ANKRD11: variants seen among roughly 807,000 people sequenced by gnomAD.
ANKRD11 encodes the protein ankyrin repeat domain-containing protein 11.
ANKRD11 carries 17 observed loss-of-function variants against 195.7 expected under a neutral mutation model. The ratio of observed to expected loss-of-function variants is 0.09; its 90% CI spans 0.06 to 0.13. ANKRD11 has a LOEUF of 0.13. Among genes scored for constraint, ANKRD11 ranks in the 10% least tolerant of loss-of-function variants. The pLI is 1.00. For synonymous variants in ANKRD11, 1,953 were observed against 1,528.1 expected, an observed-to-expected ratio of 1.28 and a Z score of -6.49; for missense variants, 3,735 against 3,566.1, an observed-to-expected ratio of 1.05 and a Z score of -1.21.
intron 1 of ANKRD11, among the ~76,000 whole-genome samples, chr16:89,432,711 C>G (rs975560744): frequency 5.9e-5 from 9 of 152,118 alleles, no homozygotes; most frequent in African/African-American, 1.7e-4. Context: ...CATTCATATT[C>G]TATCACGGTA....
At chr16:89,380,975 A>G (rs2040618472) in intron 2 of ANKRD11, among the ~76,000 whole-genome samples, 1 of 152,134 alleles carries the variant, frequency 6.6e-6, no homozygotes, top group South Asian at 2.1e-4. Flanking sequence ...GCAAGGTTCT[A>G]AGGGGCTCCG....
intron 1 of ANKRD11, among the ~76,000 whole-genome samples, chr16:89,447,991 G>C (rs191802605): frequency 1.8e-4 from 28 of 151,966 alleles, no homozygotes; most frequent in Middle Eastern, 6.8e-3. Context: ...TTTTAGTAGA[G>C]ACAGGGTTTC....
At chr16:89,481,768 G>C (rs186735801) in intron 1 of ANKRD11, among the ~76,000 whole-genome samples, 2 of 152,042 alleles carry the variant, frequency 1.3e-5, no homozygotes, top group South Asian at 4.2e-4. Context: ...ATGGGCTTTC[G>C]TGTTCAGACA....
Position 89,382,636 on chromosome 16 carries a change from C to T in ANKRD11, c.-60+35648G>A, listed in dbSNP as rs370818084. 4.6e-5 allele frequency among the ~76,000 whole-genome samples: 7 copies of T among 151,896 alleles called. No homozygotes were observed. In the Middle Eastern group the frequency reaches 0.01, roughly 221 times the overall value. On this transcript the variant is annotated intron_variant, in intron 2 of 12. Transcript: ENST00000301030. ...ACAGGCCTGAGCCACCACACTTGGC[C>T]GACAAATAAACAATTCCCCCCCTCC... is the stretch of plus-strand genomic sequence containing the variant.
In ANKRD11 at chr16:89,279,832, G is replaced by C. The variant is rs773653308; in HGVS notation, c.6710C>G (p.Ser2237Cys). The C allele has an allele frequency of 9.1e-6, 14 of 1,546,886 alleles. No individual in the cohort carries two copies. The highest frequency in any genetic ancestry group is 1.2e-5 in the Non-Finnish European group (14 of 1,148,156). Residue 2237 changes from serine (S) to cysteine (C), a missense_variant, in exon 9 of 13, where the codon TCC becomes TGC. By Grantham distance (112) the Ser-to-Cys change is moderately radical. Transcript: ENST00000301030. This position sits in a 1 kb window ranked among gnomAD's most constrained non-coding sequence, Gnocchi z 5.6. Reference protein sequence around the residue: ...PEERARGDPDSSVEPAPVPPE... With the variant: ...PEERARGDPDCSVEPAPVPPE... ...GGGAACGGGCGCGGGCTCCACGCTG[G>C]AGTCCGGATCCCCACGGGCCCTCTC...
chr16:89,338,504 C>T (rs941050599), intron 2 of ANKRD11, among the ~76,000 whole-genome samples: 1 of 150,472 alleles, frequency 6.6e-6, no homozygotes, highest in Admixed American at 6.6e-5. Flanking sequence ...CCGAGGCGGG[C>T]AATCACCTGA....
intron 2 of ANKRD11, among the ~76,000 whole-genome samples, chr16:89,418,004 G>T (rs149777484): frequency 4.6e-5 from 7 of 152,312 alleles, no homozygotes; most frequent in African/African-American, 1.2e-4. Flanking sequence ...AGGACAAGAG[G>T]AAATAAACTT....
chr16:89,310,380 C>T (rs892298497), intron 3 of ANKRD11, among the ~76,000 whole-genome samples: 14 of 152,246 alleles, frequency 9.2e-5, no homozygotes, highest in African/African-American at 3.4e-4. Flanking sequence ...CTGTCTGCAT[C>T]CTCCAATTCT....
At chr16:89,342,041 G>T (rs179504) in intron 2 of ANKRD11, among the ~76,000 whole-genome samples, 3 of 85,434 alleles carry the variant, frequency 3.5e-5, no homozygotes, top group South Asian at 7.3e-4. Context: ...TGCCCACAGC[G>T]GCCACGGCCC....
chr16:89,474,396 T>C (rs1307428590), intron 1 of ANKRD11, among the ~76,000 whole-genome samples: 1 of 150,588 alleles, frequency 6.6e-6, no homozygotes, highest in Non-Finnish European at 1.5e-5. Flanking sequence ...GTGGAAGGAA[T>C]GACTGAGCCC....
chr16:89,426,568 A>C (rs201281258), intron 1 of ANKRD11, among the ~76,000 whole-genome samples: 8 of 81,620 alleles, frequency 9.8e-5, no homozygotes, highest in South Asian at 4.6e-4. Flanking sequence ...CACACACACA[A>C]ATCTGAAATC....
intron 4 of ANKRD11, chr16:89,300,938 C>T: frequency 2.9e-6 from 2 of 694,838 alleles, no homozygotes; most frequent in Non-Finnish European, 5.3e-6. Flanking sequence ...GTGGCTGCCC[C>T]AGGACAAGCA....
At chr16:89,434,421 T>C (rs889919383) in intron 1 of ANKRD11, among the ~76,000 whole-genome samples, 5 of 152,184 alleles carry the variant, frequency 3.3e-5, no homozygotes, top group Admixed American at 2.0e-4. Flanking sequence ...CGGAAAGACC[T>C]AGTCTGAGAA....
At chr16:89,380,948 T>G (rs756643550) in intron 2 of ANKRD11, among the ~76,000 whole-genome samples, 2 of 152,136 alleles carry the variant, frequency 1.3e-5, no homozygotes, top group Non-Finnish European at 2.9e-5. Flanking sequence ...CTTCCCAGTG[T>G]GGGCCCACTC....
chr16:89,320,565 C>A (rs1013169918), intron 2 of ANKRD11, among the ~76,000 whole-genome samples: 2 of 152,204 alleles, frequency 1.3e-5, no homozygotes, highest in African/African-American at 2.4e-5. Flanking sequence ...CACCTCCTGG[C>A]GGATGGCAAC....
rs1433308385 is a variant in ANKRD11, at chr16:89,285,276, T to A, written c.1266A>T (p.Thr422=). 6 of 1,613,848 alleles carry A rather than the reference T, an allele frequency of 3.7e-6. No individual in the cohort carries two copies. The highest frequency in any genetic ancestry group is 1.6e-4 in the Middle Eastern group (1 of 6,084). ...GTGCCGAGAGTCTCAGCTTCTCTCC[T>A]GTCCCCACGGTGACACTCGCGTCCT... is the stretch of plus-strand genomic sequence containing the variant. ...DEEDASVTVG[T]GEKLRLSAHT... Residue 422 remains threonine, a synonymous_variant, in exon 9 of 13, where the codon ACA becomes ACT. Transcript: ENST00000301030. This position sits in a 1 kb window ranked among gnomAD's most constrained non-coding sequence, Gnocchi z 5.6.
At chr16:89,397,097 TAC>T (rs2041472190) in intron 2 of ANKRD11, among the ~76,000 whole-genome samples, 1 of 152,206 alleles carries the variant, frequency 6.6e-6, no homozygotes, top group African/African-American at 2.4e-5. Context: ...GGAATTGGTA[TAC>T]AGACATTTTC....
chr16:89,275,243 G>A (rs1357512440), intron 9 of ANKRD11, 52 bp from the exon 10 acceptor site: 14 of 1,487,010 alleles, frequency 9.4e-6, no homozygotes, highest in South Asian at 2.4e-5. Flanking sequence ...GGAACTGCAC[G>A]AAGGATATAG....
At chr16:89,360,054 C>T (rs976877188) in intron 2 of ANKRD11, among the ~76,000 whole-genome samples, 93 of 152,224 alleles carry the variant, frequency 6.1e-4, no homozygotes, top group African/African-American at 2.2e-3. Context: ...TCTCCCTCCT[C>T]CCGCCCTCTC....
Sources: gnomAD v4.1 joint callset for allele counts (sites outside exome capture counted in the v4.1 genomes callset) on GRCh38, gnomAD v4.1.1 for gene constraint, Gnocchi (gnomAD v3.1) non-coding constraint, MANE v1.5 for transcripts, NCBI Gene and HGNC (gene_info 2026-07-23, HGNC 2026-07-21) for gene names.